The following CNTNAP5 variants were observed in gnomAD, a reference collection of about 807,000 sequenced individuals.
The protein encoded by CNTNAP5 is contactin associated protein family member 5.
CNTNAP5 carries 72 observed loss-of-function variants against 150.2 expected under a neutral mutation model. The ratio of observed to expected loss-of-function variants is 0.48; its 90% CI spans 0.40 to 0.58. CNTNAP5 has a LOEUF of 0.58. Ranked by LOEUF, CNTNAP5 falls within the 20% of genes least tolerant of loss-of-function variation. The probability of loss-of-function intolerance (pLI) is 0.00; values close to 1 mark genes in which losing one functional copy is unlikely to be tolerated. For synonymous variants in CNTNAP5, 672 were observed against 619.8 expected, an observed-to-expected ratio of 1.08 and a Z score of -1.25; for missense variants, 1,636 against 1,626.2, an observed-to-expected ratio of 1.01 and a Z score of -0.10.
At chr2:124,056,831 G>A (rs1384998763) in intron 1 of CNTNAP5, among the ~76,000 whole-genome samples, 1 of 152,052 alleles carries the variant, frequency 6.6e-6, no homozygotes, top group Non-Finnish European at 1.5e-5. Flanking sequence ...CACTTTTCTT[G>A]GAATTCACTT....
chr2:124,419,919 TC>T (rs1462336775), intron 4 of CNTNAP5, among the ~76,000 whole-genome samples: 1 of 126,792 alleles, frequency 7.9e-6, no homozygotes, highest in Non-Finnish European at 1.6e-5. Context: ...TTTCTTTCTT[TC>T]TTTCTTTCTT....
chr2:124,041,287 G>A lies in CNTNAP5; in HGVS notation c.82+15555G>A, dbSNP rs533526363. ...GTTGGCAAATTCAATTTGACTTATT[G>A]GGTTCCTATAGCTAAGTGTTTTGTG... On this transcript the variant is annotated intron_variant, in intron 1 of 23. Coordinates refer to ENST00000682447, the MANE Select transcript of CNTNAP5 (RefSeq NM_001367498.1). Among the ~76,000 whole-genome samples the A allele has an allele frequency of 2.0e-5, 3 of 152,274 alleles. No homozygotes were observed. In the South Asian group the frequency reaches 6.2e-4, roughly 32 times the overall value.
intron 3 of CNTNAP5, among the ~76,000 whole-genome samples, chr2:124,352,663 C>T (rs1689900758): frequency 6.6e-6 from 1 of 152,176 alleles, no homozygotes; most frequent in Non-Finnish European, 1.5e-5. Flanking sequence ...TGTTTTGCCT[C>T]ATTTTTTTTA....
chr2:124,371,478 A>C (rs1251176697), intron 3 of CNTNAP5, among the ~76,000 whole-genome samples: 1 of 152,152 alleles, frequency 6.6e-6, no homozygotes, highest in South Asian at 2.1e-4. Flanking sequence ...TCCATAATCC[A>C]TTAGGTTTGG....
chr2:124,297,140 T>G (rs1377298518), intron 3 of CNTNAP5, among the ~76,000 whole-genome samples: 1 of 152,228 alleles, frequency 6.6e-6, no homozygotes, highest in Middle Eastern at 3.2e-3. Flanking sequence ...CCACAGAAAG[T>G]TAGAGCCACA....
At chr2:124,653,696 C>A in intron 13 of CNTNAP5, among the ~76,000 whole-genome samples, 1 of 150,782 alleles carries the variant, frequency 6.6e-6, no homozygotes, top group East Asian at 1.9e-4. Flanking sequence ...TGTCAAGATA[C>A]TCTGGGGTTC....
At chr2:124,341,484 G>T (rs1436716102) in intron 3 of CNTNAP5, among the ~76,000 whole-genome samples, 2 of 152,116 alleles carry the variant, frequency 1.3e-5, no homozygotes, top group Non-Finnish European at 2.9e-5. Context: ...AGAGAAAAAT[G>T]TTAGTAATGG....
At chr2:124,172,653 A>G (rs544303136) in intron 1 of CNTNAP5, among the ~76,000 whole-genome samples, 11 of 152,188 alleles carry the variant, frequency 7.2e-5, no homozygotes, top group Admixed American at 1.3e-4. Flanking sequence ...AGCTCTAGCA[A>G]TCTGTCCTTC....
chr2:124,493,309 AT>A (rs1424603625), intron 7 of CNTNAP5, among the ~76,000 whole-genome samples: 2 of 151,126 alleles, frequency 1.3e-5, no homozygotes, highest in African/African-American at 2.4e-5. Flanking sequence ...TCCTTATTTA[AT>A]TTTTAATTAA....
chr2:124,377,035 AAAT>A (rs1194985694), intron 3 of CNTNAP5, among the ~76,000 whole-genome samples: 2 of 152,102 alleles, frequency 1.3e-5, no homozygotes, highest in African/African-American at 2.4e-5. Context: ...CGTGGTATTA[AAAT>A]AAGAAGTGTG....
At chr2:124,730,483 C>G (rs565662293) in intron 13 of CNTNAP5, among the ~76,000 whole-genome samples, 2 of 152,100 alleles carry the variant, frequency 1.3e-5, no homozygotes, top group South Asian at 4.1e-4. Flanking sequence ...TTACAGTCAA[C>G]CTCTCATAAA....
At chr2:124,892,614 G>GCTT (rs1678216476) in intron 21 of CNTNAP5, among the ~76,000 whole-genome samples, 1 of 152,224 alleles carries the variant, frequency 6.6e-6, no homozygotes, top group Admixed American at 6.5e-5. Context: ...GCAGGTGGAG[G>GCTT]CTTCTGGACT....
At chr2:124,469,261 T>G (rs1573394642) in intron 6 of CNTNAP5, among the ~76,000 whole-genome samples, 2 of 152,130 alleles carry the variant, frequency 1.3e-5, no homozygotes, top group South Asian at 4.1e-4. Context: ...GAAAAAACTC[T>G]CCACCCTGAA....
intron 3 of CNTNAP5, among the ~76,000 whole-genome samples, chr2:124,302,065 T>C (rs6705811): frequency 0.33 from 49,490 of 152,034 alleles, 8,316 homozygotes; most frequent in Non-Finnish European, 0.36. Flanking sequence ...CTTGTGAGAA[T>C]GCAGTGAGAA....
chr2:124,625,152 C>T (rs1012356394), intron 12 of CNTNAP5, among the ~76,000 whole-genome samples: 1 of 152,118 alleles, frequency 6.6e-6, no homozygotes, highest in African/African-American at 2.4e-5. Context: ...TGTTCACAGT[C>T]CCTTAACTCA....
At chr2:124,373,733 C>CT (rs1364434686) in intron 3 of CNTNAP5, among the ~76,000 whole-genome samples, 2 of 151,862 alleles carry the variant, frequency 1.3e-5, no homozygotes, top group Non-Finnish European at 2.9e-5. Flanking sequence ...ATTAGGAGGG[C>CT]TGGGTGGTGA....
rs533776722 is a variant in CNTNAP5 at position 124,128,496 on chromosome 2, A to G, written c.83-93209A>G. Among the ~76,000 whole-genome samples, 8 of 152,366 alleles carry G rather than the reference A, an allele frequency of 5.3e-5. No individual in the cohort carries two copies. The East Asian group carries it at 1.5e-3, about 29-fold the overall frequency. ...AACTAGTTAAACCATTGTGGAAGAC[A>G]GTGTGGCGATTCCTCAAGGATCTAG... On this transcript the variant is annotated intron_variant, in intron 1 of 23. Coordinates refer to ENST00000682447, the MANE Select transcript of CNTNAP5 (RefSeq NM_001367498.1).
At chr2:124,346,787 C>T (rs1308293754) in intron 3 of CNTNAP5, among the ~76,000 whole-genome samples, 3 of 151,880 alleles carry the variant, frequency 2.0e-5, no homozygotes, top group Admixed American at 6.6e-5. Flanking sequence ...AAATCCAGTA[C>T]TGACCAGGCA....
chr2:124,557,643 T>A (rs1017425437), intron 10 of CNTNAP5, among the ~76,000 whole-genome samples: 1 of 152,050 alleles, frequency 6.6e-6, no homozygotes, highest in African/African-American at 2.4e-5. Context: ...CATAAACTGA[T>A]GGATAAGCAG....
Sources: allele counts gnomAD v4.1 joint callset (sites outside exome capture counted in the v4.1 genomes callset), GRCh38; gene constraint gnomAD v4.1.1; transcripts MANE v1.5; gene names NCBI Gene and HGNC (gene_info 2026-07-23, HGNC 2026-07-21).